The following FGGY variants were observed in gnomAD, a reference collection of about 807,000 sequenced individuals.
The protein encoded by FGGY is FGGY carbohydrate kinase domain containing.
A neutral mutation model predicts 71.3 loss-of-function variants in FGGY; 72 were observed. The observed-to-expected ratio is 1.01, with a 90% confidence interval of 0.84 to 1.23. The LOEUF (loss-of-function observed/expected upper bound fraction) is 1.23. Among genes scored for constraint, FGGY ranks in the 50% most tolerant of loss-of-function variants. FGGY has a pLI of 0.00. For synonymous variants in FGGY, 251 were observed against 250.3 expected (o/e 1.00, Z -0.02); for missense variants, 668 against 682.3 (o/e 0.98, Z 0.23).
At chr1:59,752,237 A>G (rs1574031756) in intron 14 of FGGY, among the ~76,000 whole-genome samples, 2 of 152,216 alleles carry the variant, frequency 1.3e-5, no homozygotes, top group Non-Finnish European at 2.9e-5. Flanking sequence ...CTTAAGAAAC[A>G]CTGCCATCAC....
At chr1:59,475,361 C>T (rs1327454661) in intron 6 of FGGY, among the ~76,000 whole-genome samples, 3 of 152,050 alleles carry the variant, frequency 2.0e-5, no homozygotes, top group Non-Finnish European at 4.4e-5. Flanking sequence ...GGTGCATATC[C>T]ACAGGCAAAT....
chr1:59,535,284 A>G (rs984085484), intron 7 of FGGY, among the ~76,000 whole-genome samples: 4 of 152,286 alleles, frequency 2.6e-5, no homozygotes, highest in Non-Finnish European at 5.9e-5. Context: ...AGAGCTAACT[A>G]TCCTAAATAT....
chr1:59,343,950 C>T (rs835354), intron 3 of FGGY, among the ~76,000 whole-genome samples: 24,813 of 152,010 alleles, frequency 0.16, 2,608 homozygotes, highest in African/African-American at 0.3. Flanking sequence ...GATATTGTCC[C>T]CTTCAACACT....
At chr1:59,580,058 A>C (rs1051856619) in intron 8 of FGGY, among the ~76,000 whole-genome samples, 1 of 150,840 alleles carries the variant, frequency 6.6e-6, no homozygotes, top group Non-Finnish European at 1.5e-5. Flanking sequence ...TCACTCACTC[A>C]CTCCCTTCCA....
intron 14 of FGGY, among the ~76,000 whole-genome samples, chr1:59,729,806 C>G (rs980080980): frequency 9.2e-5 from 14 of 152,136 alleles, no homozygotes; most frequent in African/African-American, 3.1e-4. Flanking sequence ...TCTTAGGCCC[C>G]TACTCCTTTA....
rs527324774 is a variant in FGGY, at chr1:59,671,557, T to C, written c.1418-2482T>C. The stretch of plus-strand genomic sequence containing the variant: ...GGAGGGAGGAAGGGAAGAGGTGGGA[T>C]TGGTCTTAGAGGCAAATGGAAGCAG... On this transcript the variant is annotated intron_variant, in intron 13 of 15. Coordinates refer to ENST00000303721, the MANE Select transcript of FGGY (RefSeq NM_018291.5). 2.6e-5 allele frequency among the ~76,000 whole-genome samples: 4 copies of C among 152,220 alleles called. No homozygotes were observed. In the South Asian group the frequency reaches 8.3e-4, roughly 32 times the overall value.
Position 59,592,745 on chromosome 1 carries a change from T to C in FGGY, c.904-15058T>C, listed in dbSNP as rs949008765. On this transcript the variant is annotated intron_variant, in intron 8 of 15. Transcript: ENST00000303721. ...GTGGGAATTGAACAATGAGAATACA[T>C]GGACACAGGAAGGGGAACATCACAC... is the stretch of plus-strand genomic sequence containing the variant. 8.3e-4 allele frequency among the ~76,000 whole-genome samples: 107 copies of C among 129,562 alleles called. 2 individuals carry two copies. The highest frequency in any genetic ancestry group is 3.0e-3 in the African/African-American group (100 of 32,826). The allele number at this position is 129,562 out of a possible 152,430, so 85.0% of individuals were successfully genotyped here. A position where few individuals can be genotyped will look rare whatever the true frequency, so the allele number is the denominator to read the frequency against.
At chr1:59,522,604 A>G (rs565270606) in intron 7 of FGGY, among the ~76,000 whole-genome samples, 2 of 152,200 alleles carry the variant, frequency 1.3e-5, no homozygotes, top group African/African-American at 2.4e-5. Flanking sequence ...TTTGTTTACT[A>G]AATTTGTTAA....
chr1:59,401,972 T>G (rs1364737164), intron 5 of FGGY, among the ~76,000 whole-genome samples: 1 of 152,224 alleles, frequency 6.6e-6, no homozygotes. Flanking sequence ...TTCTGTGTTT[T>G]TCCTTGTCTT....
At chr1:59,334,970 A>G (rs1557584484) in intron 2 of FGGY, among the ~76,000 whole-genome samples, 1 of 152,202 alleles carries the variant, frequency 6.6e-6, no homozygotes, top group East Asian at 1.9e-4. Context: ...AGCAACCACT[A>G]TTAACAATTT....
chr1:59,296,667 A>G (rs184824140), upstream of FGGY: 463 of 122,210 alleles, frequency 3.8e-3, 1 homozygote, highest in African/African-American at 0.013. Flanking sequence ...CGCGCTTTAC[A>G]GGGGCCGCGC....
At chr1:59,372,971 C>G (rs1260797974) in intron 4 of FGGY, among the ~76,000 whole-genome samples, 1 of 152,128 alleles carries the variant, frequency 6.6e-6, no homozygotes, top group Non-Finnish European at 1.5e-5. Flanking sequence ...TGGGCAAAAA[C>G]TGGAAGCATT....
chr1:59,576,241 C>T (rs2096073147), intron 8 of FGGY, among the ~76,000 whole-genome samples: 1 of 152,150 alleles, frequency 6.6e-6, no homozygotes, highest in Admixed American at 6.5e-5. Context: ...GAGTTCATGT[C>T]CTTTGCAGGG....
At chr1:59,539,685 T>G (rs1251197212) in intron 7 of FGGY, among the ~76,000 whole-genome samples, 1 of 152,178 alleles carries the variant, frequency 6.6e-6, no homozygotes, top group African/African-American at 2.4e-5. Flanking sequence ...GACTTTGAGA[T>G]AGACAATTTT....
chr1:59,427,000 A>AT (rs2066492741), intron 5 of FGGY, among the ~76,000 whole-genome samples: 1 of 152,212 alleles, frequency 6.6e-6, no homozygotes, highest in Admixed American at 6.5e-5. Context: ...CTTGAGGGAC[A>AT]TAAAAATCTT....
intron 14 of FGGY, among the ~76,000 whole-genome samples, chr1:59,675,892 A>G (rs2097430778): frequency 6.6e-6 from 1 of 152,132 alleles, no homozygotes; most frequent in South Asian, 2.1e-4. Context: ...TTAGGGTTAG[A>G]TGAAATCATG....
chr1:59,725,106 A>G (rs2097931181), intron 14 of FGGY, among the ~76,000 whole-genome samples: 1 of 152,178 alleles, frequency 6.6e-6, no homozygotes, highest in South Asian at 2.1e-4. Flanking sequence ...ACAATTACAT[A>G]TGTGATCCAC....
At chr1:59,332,951 G>A (rs1184600660) in intron 2 of FGGY, among the ~76,000 whole-genome samples, 3 of 152,098 alleles carry the variant, frequency 2.0e-5, no homozygotes, top group African/African-American at 7.2e-5. Context: ...TTTCTATAAA[G>A]GTTTACTGGT....
At chr1:59,757,132 C>T (rs1038320482) in intron 14 of FGGY, among the ~76,000 whole-genome samples, 2 of 152,130 alleles carry the variant, frequency 1.3e-5, no homozygotes, top group Non-Finnish European at 2.9e-5. Context: ...AGAGCTTTGT[C>T]GTGCTGTTGC....
Sources: allele counts gnomAD v4.1 joint callset (sites outside exome capture counted in the v4.1 genomes callset), GRCh38; gene constraint gnomAD v4.1.1; transcripts MANE v1.5; gene names NCBI Gene and HGNC (gene_info 2026-07-23, HGNC 2026-07-21).